PRKG1: variants seen among roughly 807,000 people sequenced by gnomAD.
The protein encoded by PRKG1 is protein kinase cGMP-dependent 1, also known as cGMP-dependent protein kinase 1.
A neutral mutation model predicts 88.1 loss-of-function variants in PRKG1; 35 were observed. The observed-to-expected ratio is 0.40, with a 90% CI of 0.30 to 0.53. The LOEUF is 0.53. Among genes scored for constraint, PRKG1 ranks in the 20% least tolerant of loss-of-function variants. PRKG1 has a pLI of 0.59. For synonymous variants in PRKG1, 303 were observed against 292.5 expected (o/e 1.04, Z -0.37); for missense variants, 540 against 839.8 (o/e 0.64, Z 4.41).
chr10:51,392,495 G>GT lies in PRKG1; in HGVS notation c.479-75227dup, dbSNP rs543771757. Among the ~76,000 whole-genome samples, 1,199 of 152,300 alleles carry GT rather than the reference G, an allele frequency of 7.9e-3. 10 individuals carry two copies. Among genetic ancestry groups the GT allele is most frequent in the South Asian group, 0.02 (95 of 4,826 alleles). ...TCCCATGGCAGAAGAATTTTTCTTA[G>GT]TACAGAACAAAATGAAAAGTCTCCC... On this transcript the variant is annotated intron_variant, in intron 2 of 17. Coordinates refer to ENST00000373980, the MANE Select transcript of PRKG1 (RefSeq NM_006258.4).
intron 9 of PRKG1, among the ~76,000 whole-genome samples, chr10:52,195,643 T>G (rs886977164): frequency 3.3e-5 from 5 of 152,198 alleles, no homozygotes; most frequent in Admixed American, 3.3e-4. Context: ...GCTTTTAAAT[T>G]TGTTAATTTT....
chr10:51,670,903 T>C (rs879218055), intron 3 of PRKG1, among the ~76,000 whole-genome samples: 1 of 152,068 alleles, frequency 6.6e-6, no homozygotes, highest in Admixed American at 6.6e-5. Context: ...AATCTCTTAA[T>C]AATGTTGTAG....
intron 3 of PRKG1, among the ~76,000 whole-genome samples, chr10:51,612,735 T>A (rs984476698): frequency 1.3e-5 from 2 of 151,922 alleles, no homozygotes; most frequent in African/African-American, 4.8e-5. Context: ...ATTTTCCCCA[T>A]GATGATGTTT....
intron 4 of PRKG1, among the ~76,000 whole-genome samples, chr10:51,814,258 CT>C (rs1839529248): frequency 1.3e-5 from 2 of 152,274 alleles, no homozygotes; most frequent in South Asian, 2.1e-4. Context: ...GAAGATGCCA[CT>C]TTTTGGGCAC....
At chr10:51,795,073 T>C (rs1838974843) in intron 3 of PRKG1, among the ~76,000 whole-genome samples, 2 of 152,146 alleles carry the variant, frequency 1.3e-5, no homozygotes, top group African/African-American at 2.4e-5. Context: ...CACTTGGTCC[T>C]TCTAGTATCC....
intron 3 of PRKG1, among the ~76,000 whole-genome samples, chr10:51,578,718 G>A (rs1837949655): frequency 6.6e-6 from 1 of 151,982 alleles, no homozygotes; most frequent in Non-Finnish European, 1.5e-5. Context: ...GGCTATTAAT[G>A]CCAACATTTT....
chr10:51,021,123 G>C (rs1180994206), intron 1 of PRKG1, among the ~76,000 whole-genome samples: 4 of 152,106 alleles, frequency 2.6e-5, no homozygotes, highest in Non-Finnish European at 5.9e-5. Flanking sequence ...AGTTTAATGT[G>C]TTGAATCGAG....
At chr10:51,809,987 A>T (rs1458240421) in intron 4 of PRKG1, among the ~76,000 whole-genome samples, 1 of 152,102 alleles carries the variant, frequency 6.6e-6, no homozygotes, top group East Asian at 1.9e-4. Flanking sequence ...AATAAAGATT[A>T]TCTCAAGAGA....
intron 2 of PRKG1, among the ~76,000 whole-genome samples, chr10:51,411,112 G>A (rs1838073636): frequency 6.6e-6 from 1 of 151,984 alleles, no homozygotes; most frequent in Non-Finnish European, 1.5e-5. Context: ...CGATTCTCCT[G>A]CCTCAGTCTC....
chr10:51,386,468 A>G (rs572122005), intron 2 of PRKG1, among the ~76,000 whole-genome samples: 1 of 152,246 alleles, frequency 6.6e-6, no homozygotes, highest in East Asian at 1.9e-4. Flanking sequence ...CCAGAAACCA[A>G]TGAGCTAGAG....
intron 5 of PRKG1, among the ~76,000 whole-genome samples, chr10:51,994,417 T>C (rs181191295): frequency 1.3e-5 from 2 of 152,134 alleles, no homozygotes; most frequent in Non-Finnish European, 2.9e-5. Flanking sequence ...GTAATATGTA[T>C]CCCTGAAAAC....
At chr10:52,283,391 A>G (rs974805571) in intron 14 of PRKG1, among the ~76,000 whole-genome samples, 15 of 152,022 alleles carry the variant, frequency 9.9e-5, no homozygotes, top group Admixed American at 7.9e-4. Flanking sequence ...CATGAGAGGA[A>G]GACTGAGGAC....
intron 5 of PRKG1, among the ~76,000 whole-genome samples, chr10:52,032,807 GA>G (rs1443386633): frequency 8.5e-5 from 13 of 152,276 alleles, no homozygotes; most frequent in African/African-American, 3.1e-4. Context: ...TACACTTGCT[GA>G]ATTGGACATA....
At chr10:52,139,877 A>G (rs1000946922) in intron 8 of PRKG1, among the ~76,000 whole-genome samples, 45 of 152,150 alleles carry the variant, frequency 3.0e-4, no homozygotes, top group Admixed American at 3.0e-3. Context: ...TTTTCTGTAA[A>G]GAGCCAAATA....
chr10:51,766,265 C>T (rs1035866480), intron 3 of PRKG1, among the ~76,000 whole-genome samples: 1 of 152,160 alleles, frequency 6.6e-6, no homozygotes, highest in African/African-American at 2.4e-5. Flanking sequence ...CTGGGCATCT[C>T]ATTTGCATAA....
intron 3 of PRKG1, among the ~76,000 whole-genome samples, chr10:51,487,176 T>C (rs1263881485): frequency 6.6e-6 from 1 of 152,192 alleles, no homozygotes; most frequent in Non-Finnish European, 1.5e-5. Context: ...GAAAATCTTA[T>C]AATATTGAGA....
chr10:51,566,673 A>G (rs1260297341), intron 3 of PRKG1, among the ~76,000 whole-genome samples: 1 of 151,966 alleles, frequency 6.6e-6, no homozygotes, highest in Non-Finnish European at 1.5e-5. Flanking sequence ...ATGGGCGGGA[A>G]AACATTTCCA....
intron 2 of PRKG1, among the ~76,000 whole-genome samples, chr10:51,466,972 T>A (rs1839922626): frequency 6.6e-6 from 1 of 152,094 alleles, no homozygotes; most frequent in Admixed American, 6.5e-5. Context: ...CATGAAATTC[T>A]TAGTCTACAT....
intron 2 of PRKG1, among the ~76,000 whole-genome samples, chr10:51,431,891 A>G (rs1419123584): frequency 6.6e-6 from 1 of 152,202 alleles, no homozygotes; most frequent in African/African-American, 2.4e-5. Context: ...ACAAAGCAAA[A>G]AAGCCTGCCC....
Sources: gnomAD v4.1 joint callset for allele counts (sites outside exome capture counted in the v4.1 genomes callset) on GRCh38, gnomAD v4.1.1 for gene constraint, MANE v1.5 for transcripts, NCBI Gene and HGNC (gene_info 2026-07-23, HGNC 2026-07-21) for gene names.